RGS6: variants seen among roughly 807,000 people sequenced by gnomAD.
RGS6 encodes regulator of G protein signaling 6.
Under a neutral mutation model 78.5 loss-of-function variants are expected in RGS6, and 30 were observed. The ratio of observed to expected loss-of-function variants is 0.38; its 90% CI spans 0.29 to 0.52. The LOEUF (loss-of-function observed/expected upper bound fraction) is 0.52. Ranked by LOEUF, RGS6 falls within the 20% of genes least tolerant of loss-of-function variation. The probability of loss-of-function intolerance (pLI) is 0.85; values close to 1 mark genes in which losing one functional copy is unlikely to be tolerated. For missense variants in RGS6, 495 were observed against 609.7 expected (o/e 0.81, Z 1.98); for synonymous variants, 206 against 206.0 (o/e 1.00, Z 0.00).
At position 72,534,739 on chromosome 14, in the gene RGS6, C is replaced by A. The variant is rs942926124; in HGVS notation, c.1279-1447C>A. On this transcript the variant is annotated intron_variant, in intron 15 of 17. Coordinates refer to ENST00000553525, the MANE Select transcript of RGS6 (RefSeq NM_001204424.2). Reference sequence around the variant, plus strand: ...GCCAGGCATCTCTAAAATGTGTCCCCCAGCTGATGGGAGGTCTGTGCCTCC... The same window carrying A: ...GCCAGGCATCTCTAAAATGTGTCCCACAGCTGATGGGAGGTCTGTGCCTCC... Among the ~76,000 whole-genome samples, 4 of 152,108 alleles carry A rather than the reference C, an allele frequency of 2.6e-5. No individual in the cohort carries two copies. In the East Asian group the frequency reaches 7.7e-4, roughly 29 times the overall value.
At chr14:71,962,041 T>C (rs2093239214) in intron 1 of RGS6, among the ~76,000 whole-genome samples, 1 of 152,216 alleles carries the variant, frequency 6.6e-6, no homozygotes, top group South Asian at 2.1e-4. Flanking sequence ...TGTTGACCTA[T>C]GGACTAGAAA....
chr14:72,168,970 G>A (rs778258025), intron 2 of RGS6, among the ~76,000 whole-genome samples: 4 of 152,190 alleles, frequency 2.6e-5, no homozygotes, highest in Non-Finnish European at 1.5e-5. Flanking sequence ...TTTTGCCCAA[G>A]GCAAGAAGAT....
At chr14:72,615,618 AC>A in the RGS6 span, among the ~76,000 whole-genome samples, 4 of 151,896 alleles carry the variant, frequency 2.6e-5, no homozygotes, top group Non-Finnish European at 5.9e-5. Flanking sequence ...CCACCCACCC[AC>A]AGGCTCTTCC....
At chr14:72,060,023 T>G (rs186094054) in intron 2 of RGS6, among the ~76,000 whole-genome samples, 20 of 152,296 alleles carry the variant, frequency 1.3e-4, no homozygotes, top group African/African-American at 4.6e-4. Context: ...TTATACACTT[T>G]CACTATGTCT....
At position 72,017,537 on chromosome 14, in the gene RGS6, A is replaced by G. The variant is rs548559165; in HGVS notation, c.84+52662A>G. Among the ~76,000 whole-genome samples, 420 of 152,332 alleles carry G rather than the reference A, an allele frequency of 2.8e-3. 3 individuals carry two copies. Among genetic ancestry groups the G allele is most frequent in the African/African-American group, 9.7e-3 (402 of 41,564 alleles). ...GTCTGTGGTACCATTGTATTATAAC[A>G]TCAGAGTTGAATAGTTGCAACAGAG... On this transcript the variant is annotated intron_variant, in intron 2 of 17. Coordinates refer to ENST00000553525, the MANE Select transcript of RGS6 (RefSeq NM_001204424.2).
At chr14:72,128,134 T>C (rs939062265) in intron 2 of RGS6, among the ~76,000 whole-genome samples, 3 of 152,194 alleles carry the variant, frequency 2.0e-5, no homozygotes, top group Non-Finnish European at 2.9e-5. Flanking sequence ...AACACACTTA[T>C]AGAAATGCTT....
intron 2 of RGS6, among the ~76,000 whole-genome samples, chr14:72,107,881 A>C (rs145878806): frequency 4.6e-5 from 7 of 152,286 alleles, no homozygotes; most frequent in African/African-American, 1.7e-4. Flanking sequence ...ACCACCAATT[A>C]TGATTACTAA....
intron 2 of RGS6, among the ~76,000 whole-genome samples, chr14:72,237,147 A>C (rs2051297540): frequency 6.6e-6 from 1 of 152,128 alleles, no homozygotes; most frequent in Non-Finnish European, 1.5e-5. Flanking sequence ...ACATTTTTGA[A>C]ATTCATCTAT....
chr14:72,354,913 A>T (rs2079931101), intron 3 of RGS6, among the ~76,000 whole-genome samples: 2 of 152,018 alleles, frequency 1.3e-5, no homozygotes, highest in South Asian at 4.1e-4. Flanking sequence ...ATACAGTATA[A>T]TATAGACTAT....
chr14:72,468,394 A>G (rs1328690300), intron 7 of RGS6, among the ~76,000 whole-genome samples: 1 of 151,068 alleles, frequency 6.6e-6, no homozygotes, highest in African/African-American at 2.4e-5. Context: ...AAAAAAGAAT[A>G]TGGCATTGAG....
chr14:71,922,207 C>G, the RGS6 span, among the ~76,000 whole-genome samples: 1 of 152,314 alleles, frequency 6.6e-6, no homozygotes, highest in Non-Finnish European at 1.5e-5. Flanking sequence ...TTGGAATCAT[C>G]TTTGACTCCT....
chr14:72,389,588 C>T (rs545727755), intron 3 of RGS6, among the ~76,000 whole-genome samples: 2 of 152,256 alleles, frequency 1.3e-5, no homozygotes, highest in South Asian at 2.1e-4. Context: ...TTCCGTTACC[C>T]GATCCCCAGG....
chr14:71,974,790 T>C (rs751838703), intron 2 of RGS6, among the ~76,000 whole-genome samples: 1 of 152,374 alleles, frequency 6.6e-6, no homozygotes, highest in South Asian at 2.1e-4. Flanking sequence ...AAATAATTTT[T>C]AGTATTTTCT....
At chr14:72,087,870 C>T (rs1038103355) in intron 2 of RGS6, among the ~76,000 whole-genome samples, 1 of 152,094 alleles carries the variant, frequency 6.6e-6, no homozygotes, top group African/African-American at 2.4e-5. Flanking sequence ...AAATAAATTG[C>T]ATGGATGAGC....
the RGS6 span, among the ~76,000 whole-genome samples, chr14:72,608,257 T>C: frequency 1.3e-5 from 2 of 152,292 alleles, no homozygotes; most frequent in East Asian, 1.9e-4. Context: ...TATTTATCTA[T>C]CTAAAATTTA....
intron 2 of RGS6, among the ~76,000 whole-genome samples, chr14:72,213,119 T>A (rs2044594077): frequency 6.6e-6 from 1 of 152,234 alleles, no homozygotes; most frequent in Non-Finnish European, 1.5e-5. Flanking sequence ...AGCTTGACTA[T>A]GAGGCCTGTG....
intron 2 of RGS6, among the ~76,000 whole-genome samples, chr14:72,255,450 C>T (rs1567591214): frequency 6.6e-6 from 1 of 152,116 alleles, no homozygotes; most frequent in Non-Finnish European, 1.5e-5. Flanking sequence ...GGGGTTTGTA[C>T]CTACCACAGT....
In RGS6 at chr14:72,171,638, G is replaced by T. The variant is rs1469421723; in HGVS notation, c.85-180457G>T. Among the ~76,000 whole-genome samples, 3 of 152,312 alleles carry T rather than the reference G, an allele frequency of 2.0e-5. No homozygotes were observed. In the East Asian group the frequency reaches 5.8e-4, roughly 29 times the overall value. On this transcript the variant is annotated intron_variant, in intron 2 of 17. Transcript: ENST00000553525. ...TCTGAAGTAAAAGAAGGAACAATTT[G>T]TCCTCTGTCTGGCTTCTATCATGAA... is the stretch of plus-strand genomic sequence containing the variant.
At chr14:72,578,267 A>G in the RGS6 span, among the ~76,000 whole-genome samples, 1 of 152,152 alleles carries the variant, frequency 6.6e-6, no homozygotes, top group Non-Finnish European at 1.5e-5. Context: ...TCCTCCTTCC[A>G]TAGGACATGC....
Sources: allele counts gnomAD v4.1 joint callset (sites outside exome capture counted in the v4.1 genomes callset), GRCh38; gene constraint gnomAD v4.1.1; transcripts MANE v1.5; gene names NCBI Gene and HGNC (gene_info 2026-07-23, HGNC 2026-07-21).